Variants in IFNAR2 observed in about 807,000 individuals in gnomAD.
IFNAR2 encodes interferon alpha and beta receptor subunit 2.
A neutral mutation model predicts 49.4 loss-of-function variants in IFNAR2; 30 were observed. That is an observed-to-expected ratio of 0.61 (90% CI 0.45 to 0.82). The LOEUF (loss-of-function observed/expected upper bound fraction) is 0.82. Ranked by LOEUF, IFNAR2 falls within the 40% of genes least tolerant of loss-of-function variation. IFNAR2 has a pLI of 0.00. For missense variants in IFNAR2, 600 were observed against 622.7 expected (o/e 0.96, Z 0.39); for synonymous variants, 224 against 234.5 (o/e 0.96, Z 0.41).
chr21:33,245,738 A>T (rs2284549), intron 4 of IFNAR2, among the ~76,000 whole-genome samples: 106,586 of 152,106 alleles, frequency 0.7, 37,836 homozygotes, highest in African/African-American at 0.79. Context: ...TGTCCTTTTG[A>T]TGGTTATTTA....
intron 7 of IFNAR2, among the ~76,000 whole-genome samples, chr21:33,255,849 C>T (rs541953553): frequency 2.1e-4 from 32 of 152,202 alleles, no homozygotes; most frequent in African/African-American, 7.7e-4. Flanking sequence ...CTATCCACAC[C>T]CTGCCCCATC....
chr21:33,245,039 A>G lies in IFNAR2; in HGVS notation c.186A>G (p.Val62=). ...LSWELKNHSI[V]PTHYTLLYTI... ...GGGAATTAAAAAACCACTCCATTGT[A>G]CCAACTCACTATACATTGCTGTATA... The change falls in exon 4 of 9, where the codon GTA becomes GTG. Residue 62 remains valine, a synonymous_variant. Transcript: ENST00000342136. 1 of 1,610,914 alleles carries G rather than the reference A, an allele frequency of 6.2e-7. No individual in the cohort carries two copies. The highest frequency in any genetic ancestry group is 8.5e-7 in the Non-Finnish European group (1 of 1,177,060).
chr21:33,238,335 T>C (rs1053162854), intron 1 of IFNAR2, among the ~76,000 whole-genome samples: 1 of 145,156 alleles, frequency 6.9e-6, no homozygotes, highest in Non-Finnish European at 1.5e-5. Flanking sequence ...TAAATTCTTC[T>C]TACTCCTATG....
chr21:33,232,970 C>A, intron 1 of IFNAR2: 11 of 980,984 alleles, frequency 1.1e-5, no homozygotes, highest in Non-Finnish European at 1.3e-5. Flanking sequence ...GATTGCAAGA[C>A]GTCTTACTAA....
chr21:33,240,777 TG>T (rs34833480), intron 1 of IFNAR2, among the ~76,000 whole-genome samples: 151,282 of 151,292 alleles, frequency 1, 75,636 homozygotes, highest in Middle Eastern at 1. Flanking sequence ...ATTGCACCAC[TG>T]GCACTCCAGG....
At chr21:33,238,739 A>G (rs182536189) in intron 1 of IFNAR2, among the ~76,000 whole-genome samples, 13 of 151,840 alleles carry the variant, frequency 8.6e-5, no homozygotes, top group Admixed American at 7.9e-4. Context: ...GAGAGAAGAA[A>G]AAGATGTGAC....
rs1273407111 is a variant in IFNAR2 at position 33,230,323 on chromosome 21, C to T, written c.-84+107C>T. 270 of 944,536 alleles carry T rather than the reference C, an allele frequency of 2.9e-4. 2 individuals are homozygous for T. Among genetic ancestry groups the T allele is most frequent in the Non-Finnish European group, 7.3e-5 (54 of 736,538 alleles). The allele number at this position is 944,536 out of a possible 1,614,324, so 58.5% of individuals were successfully genotyped here. On this transcript the variant is annotated intron_variant, in intron 1 of 8. Coordinates refer to ENST00000342136, the MANE Select transcript of IFNAR2 (RefSeq NM_001289125.3). The surrounding 1 kb of genome is among the most constrained non-coding windows in gnomAD (Gnocchi z 5.5). ...CCCGGAATCCCCTCCGGTTCCCTCT[C>T]GCTCTCCCCGACTCCTCCTCCTCCT... is the stretch of plus-strand genomic sequence containing the variant.
At chr21:33,243,633 A>G (rs1264748236) in intron 2 of IFNAR2, 40 bp from the exon 3 acceptor site, 1 of 1,567,582 alleles carries the variant, frequency 6.4e-7, no homozygotes, top group Non-Finnish European at 8.8e-7. Flanking sequence ...TTGAGCCCAG[A>G]TAAAACTATT....
chr21:33,230,428 C>A lies in IFNAR2; in HGVS notation c.-84+212C>A. ...GGGGCCGCACCTGCGACCCCAGGAC[C>A]CCTCCCGGGCCCTGTCCTGCGCCCT... On this transcript the variant is annotated intron_variant, in intron 1 of 8. Transcript: ENST00000342136. The surrounding 1 kb of genome is among the most constrained non-coding windows in gnomAD (Gnocchi z 5.5). 6.5e-6 allele frequency: 3 copies of A among 459,758 alleles called. No individual in the cohort carries two copies. Among genetic ancestry groups the A allele is most frequent in the Non-Finnish European group, 8.7e-6 (2 of 230,372 alleles). The allele number at this position is 459,758 out of a possible 1,614,324, so 28.5% of individuals were successfully genotyped here. A position where few individuals can be genotyped will look rare whatever the true frequency, so the allele number is the denominator to read the frequency against.
chr21:33,241,908 C>T lies in IFNAR2; in HGVS notation c.-15C>T, dbSNP rs181458592. 2.9e-5 allele frequency: 46 copies of T among 1,611,326 alleles called. No homozygotes were observed. In the Admixed American group the frequency reaches 6.3e-4, roughly 22 times the overall value. On this transcript the variant is annotated 5_prime_UTR_variant, in exon 2 of 9. Coordinates refer to ENST00000342136, the MANE Select transcript of IFNAR2 (RefSeq NM_001289125.3). ...CAGATGTAAAAGTCAAGAGAAGACTCTAAAAATAGCAAAGATGCTTTTGAG... is the reference window on the plus strand; with the variant it reads ...CAGATGTAAAAGTCAAGAGAAGACTTTAAAAATAGCAAAGATGCTTTTGAG...
chr21:33,252,573 T>A, intron 6 of IFNAR2, 89 bp from the exon 7 acceptor site: 2 of 1,501,106 alleles, frequency 1.3e-6, no homozygotes, highest in Non-Finnish European at 1.8e-6. Context: ...CTAACCCTGT[T>A]TGAGATTTGA....
chr21:33,230,269 A>G lies in IFNAR2; in HGVS notation c.-84+53A>G. ...GCGGAGCGCGTGGCCAGCTGACTGGAGGGAAAACGCCGCCTCCCTGCAGCG... is the reference window on the plus strand; with the variant it reads ...GCGGAGCGCGTGGCCAGCTGACTGGGGGGAAAACGCCGCCTCCCTGCAGCG... On this transcript the variant is annotated intron_variant, in intron 1 of 8. Coordinates refer to ENST00000342136, the MANE Select transcript of IFNAR2 (RefSeq NM_001289125.3). This position sits in a 1 kb window ranked among gnomAD's most constrained non-coding sequence, Gnocchi z 5.5. 6.4e-6 allele frequency: 7 copies of G among 1,101,202 alleles called. No individual in the cohort carries two copies. Among genetic ancestry groups the G allele is most frequent in the Middle Eastern group, 4.4e-4 (1 of 2,296 alleles). The allele number at this position is 1,101,202 out of a possible 1,614,324, so 68.2% of individuals were successfully genotyped here.
intron 8 of IFNAR2, among the ~76,000 whole-genome samples, chr21:33,261,595 C>G (rs1371882102): frequency 6.6e-6 from 1 of 152,124 alleles, no homozygotes; most frequent in African/African-American, 2.4e-5. Flanking sequence ...TTAAAAAGGA[C>G]TAGGCACAGT....
In IFNAR2 at chr21:33,230,463, G is replaced by T. The variant is rs897737907; in HGVS notation, c.-84+247G>T. ...CCCTGTCCTGCGCCCTCCACGCGTC[G>T]CCCCTGCTGGGAGTCCGCTTTCGTT... On this transcript the variant is annotated intron_variant, in intron 1 of 8. Transcript: ENST00000342136. The surrounding 1 kb of genome is among the most constrained non-coding windows in gnomAD (Gnocchi z 5.5). 10 of 469,588 alleles carry T rather than the reference G, an allele frequency of 2.1e-5. No individual in the cohort carries two copies. Among genetic ancestry groups the T allele is most frequent in the Non-Finnish European group, 4.0e-5 (9 of 227,444 alleles). 29.1% of individuals were successfully genotyped at this position (469,588 alleles called of 1,614,324 possible).
chr21:33,262,533 T>C (rs1477323897), intron 8 of IFNAR2: 1 of 693,344 alleles, frequency 1.4e-6, no homozygotes, highest in Non-Finnish European at 2.6e-6. Context: ...TCATTCAATC[T>C]CATTAAGTTT....
intron 1 of IFNAR2, among the ~76,000 whole-genome samples, chr21:33,239,835 C>G (rs1601792513): frequency 3.1e-5 from 3 of 96,336 alleles, no homozygotes; most frequent in South Asian, 4.4e-4. Flanking sequence ...GTGGTCACAG[C>G]CCTCAATGTT....
In IFNAR2 at chr21:33,246,822, T is replaced by C. The variant is rs369715958; in HGVS notation, c.326T>C (p.Val109Ala). ...AGCACACACGAGGCCTATGTCACCG[T>C]CCTAGAAGGATTCAGCGGGAACACA... ...WRSTHEAYVT[V>A]LEGFSGNTTL... is the part of the protein sequence containing the mutation. Residue 109 changes from valine to alanine, a missense_variant, in exon 5 of 9, where the codon GTC becomes GCC. Transcript: ENST00000342136. 60 of 1,614,088 alleles carry C rather than the reference T, an allele frequency of 3.7e-5. No individual in the cohort carries two copies. Among genetic ancestry groups the C allele is most frequent in the Non-Finnish European group, 3.4e-6 (4 of 1,180,020 alleles).
intron 6 of IFNAR2, chr21:33,251,754 T>C (rs1987851596): frequency 2.0e-6 from 2 of 985,332 alleles, no homozygotes; most frequent in South Asian, 4.7e-5. Context: ...AATTCTGAAG[T>C]GAAATGCAAC....
At position 33,232,326 on chromosome 21, in the gene IFNAR2, G is replaced by T. The variant is rs184987814; in HGVS notation, c.-84+2110G>T. Among the ~76,000 whole-genome samples, 77 of 152,188 alleles carry T rather than the reference G, an allele frequency of 5.1e-4. 1 individual carries two copies. In the East Asian group the frequency reaches 0.012, roughly 24 times the overall value. ...TCAGGGAAGAATAAAGGAAAAACAGGTAATTGGCAGAGGAGGTTGGCTGAC... is the reference window on the plus strand; with the variant it reads ...TCAGGGAAGAATAAAGGAAAAACAGTTAATTGGCAGAGGAGGTTGGCTGAC... On this transcript the variant is annotated intron_variant, in intron 1 of 8. Transcript: ENST00000342136.
Sources: allele counts gnomAD v4.1 joint callset (sites outside exome capture counted in the v4.1 genomes callset), GRCh38; gene constraint gnomAD v4.1.1; non-coding constraint Gnocchi (gnomAD v3.1); transcripts MANE v1.5; gene names NCBI Gene and HGNC (gene_info 2026-07-23, HGNC 2026-07-21).